DACT1: variants seen among roughly 807,000 people sequenced by gnomAD.
DACT1 encodes the protein dishevelled binding antagonist of beta catenin 1.
DACT1 carries 19 observed loss-of-function variants against 35.3 expected under a neutral mutation model. The observed-to-expected ratio is 0.54, with a 90% CI of 0.38 to 0.79. The LOEUF (loss-of-function observed/expected upper bound fraction) is 0.79. Ranked by LOEUF, DACT1 falls within the 30% of genes least tolerant of loss-of-function variation. The probability of loss-of-function intolerance (pLI) is 0.00; values close to 1 mark genes in which losing one functional copy is unlikely to be tolerated. For missense variants in DACT1, 1,143 were observed against 1,057.5 expected (o/e 1.08, Z -1.12); for synonymous variants, 545 against 466.7 (o/e 1.17, Z -2.16).
rs1332910897 is a variant in DACT1 at position 58,647,152 on chromosome 14, GA to G, written c.*21del. 1 of 1,595,946 alleles carries G rather than the reference GA, an allele frequency of 6.3e-7. No individual in the cohort carries two copies. The highest frequency in any genetic ancestry group is 1.9e-5 in the Admixed American group (1 of 54,010). Reference sequence around the variant, plus strand: ...CGGTTTGAGTGACATCATTGGTGTAGAAAGTTTGTGTGTTTTTTTTTCTTCT... The same window carrying G: ...CGGTTTGAGTGACATCATTGGTGTAGAAGTTTGTGTGTTTTTTTTTCTTCT... On this transcript the variant is annotated 3_prime_UTR_variant, in exon 4 of 4. Transcript: ENST00000395153.
Position 58,646,607 on chromosome 14 carries a change from C to T in DACT1, c.1873C>T (p.Arg625Trp). 3.1e-6 allele frequency: 5 copies of T among 1,600,264 alleles called. No individual in the cohort carries two copies. The highest frequency in any genetic ancestry group is 4.3e-6 in the Non-Finnish European group (5 of 1,173,766). Residue 625 changes from arginine to tryptophan, a missense_variant, in exon 4 of 4, where the codon CGG becomes TGG. Arg to Trp is a moderately radical substitution (Grantham distance 101). Around this residue, in one of 3 missense-constraint regions of DACT1, gnomAD observed 1,054 missense variants for 958.8 expected, o/e 1.10. Transcript: ENST00000395153. ...GGGGAGCAGGGCGCATGGCCACGGACGGGAGGCGGTGGTGGCCAAACCTAA... is the reference window on the plus strand; with the variant it reads ...GGGGAGCAGGGCGCATGGCCACGGATGGGAGGCGGTGGTGGCCAAACCTAA... Reference protein sequence around the residue: ...RAGSRAHGHGREAVVAKPKHK... With the variant: ...RAGSRAHGHGWEAVVAKPKHK...
rs2047697967 is a variant in DACT1 at position 58,647,020 on chromosome 14, A to G, written c.2286A>G (p.Pro762=). Residue 762 remains proline (P), a synonymous_variant, in exon 4 of 4, where the codon CCA becomes CCG. Coordinates refer to ENST00000395153, the MANE Select transcript of DACT1 (RefSeq NM_001079520.2). ...TGCCCATTCAAACGGTAACGGCCCC[A>G]GACCTTCACAACCACCCCGCAAAAA... is the stretch of plus-strand genomic sequence containing the variant. The part of the protein sequence containing the change: ...QTLPIQTVTA[P]DLHNHPAKTF... 1.2e-6 allele frequency: 2 copies of G among 1,614,214 alleles called. No homozygotes were observed. Among genetic ancestry groups the G allele is most frequent in the Non-Finnish European group, 1.7e-6 (2 of 1,180,032 alleles).
intron 3 of DACT1, among the ~76,000 whole-genome samples, chr14:58,645,043 T>C (rs938559555): frequency 1.1e-4 from 16 of 152,248 alleles, no homozygotes; most frequent in African/African-American, 3.9e-4. Context: ...GCTGAATTTT[T>C]TTCCTTCAGA....
chr14:58,640,692 G>A (rs777302191), intron 1 of DACT1, 44 bp from the exon 2 acceptor site: 1 of 1,607,580 alleles, frequency 6.2e-7, no homozygotes, highest in South Asian at 1.1e-5. Flanking sequence ...TGGTTCTTTT[G>A]TCACCCCTGT....
rs1040770358 is a variant in DACT1, at chr14:58,646,531, C to T, written c.1797C>T (p.Gly599=). 4.5e-6 allele frequency: 7 copies of T among 1,555,258 alleles called. No homozygotes were observed. Among genetic ancestry groups the T allele is most frequent in the South Asian group, 2.4e-5 (2 of 84,366 alleles). Residue 599 remains glycine (G), a synonymous_variant, in exon 4 of 4, where the codon GGC becomes GGT. Transcript: ENST00000395153. ...CCTCCAAGGGGAGGAAGAGTGGGGG[C>T]GGGCCCGAGGCTGGTGTTCCCGGCA... The part of the protein sequence containing the change: ...KASSKGRKSG[G]GPEAGVPGRP...
At chr14:58,641,541 A>G (rs1447549874) in intron 2 of DACT1, 51 bp from the exon 3 acceptor site, 1 of 1,554,596 alleles carries the variant, frequency 6.4e-7, no homozygotes, top group South Asian at 1.2e-5. Flanking sequence ...AAGCGTGAAT[A>G]TGCATTATTT....
rs1566507544 is a variant in DACT1 at position 58,641,689 on chromosome 14, C to CT, written c.580dup (p.Cys194LeufsTer27). ...TATCCAGTTGTCATTCCAGCACCTG[C>CT]TTTTGCAGCCCCTTGGAGGCGACCT... is the stretch of plus-strand genomic sequence containing the variant. On this transcript the variant is annotated frameshift_variant, in exon 3 of 4. Coordinates refer to ENST00000395153, the MANE Select transcript of DACT1 (RefSeq NM_001079520.2). LOFTEE classifies it high-confidence loss of function. 6.2e-7 allele frequency: 1 copy of CT among 1,614,202 alleles called. No individual in the cohort carries two copies. The highest frequency in any genetic ancestry group is 8.5e-7 in the Non-Finnish European group (1 of 1,180,034).
chr14:58,638,514 G>T lies in DACT1; in HGVS notation c.312G>T (p.Leu104Phe). The T allele has an allele frequency of 2.2e-6, 3 of 1,350,320 alleles. No homozygotes were observed. The highest frequency in any genetic ancestry group is 2.9e-6 in the Non-Finnish European group (3 of 1,044,448). The allele number at this position is 1,350,320 out of a possible 1,614,324, so 83.6% of individuals were successfully genotyped here. The change falls in exon 1 of 4, where the codon TTG becomes TTT. Residue 104 changes from leucine (L) to phenylalanine (F), a missense_variant. Leu to Phe is a conservative substitution (Grantham distance 22, BLOSUM62 0). Coordinates refer to ENST00000395153, the MANE Select transcript of DACT1 (RefSeq NM_001079520.2). ...GCAGTCGCCTGGAGGAGAAGTTCTT[G>T]GAGGAGAACATCTTGCTGCTAAGAA... Reference protein sequence around the residue: ...AQRSRLEEKFLEENILLLRKQ... With the variant: ...AQRSRLEEKFFEENILLLRKQ...
At chr14:58,635,675 C>T (rs536755188), upstream of DACT1, among the ~76,000 whole-genome samples, 1 of 103,466 alleles carries the variant, frequency 9.7e-6, no homozygotes, top group African/African-American at 3.8e-5. Flanking sequence ...CTCAAAGTGG[C>T]ATTTGGTGAG....
Position 58,638,105 on chromosome 14 carries a change from G to A in DACT1, c.-98G>A, listed in dbSNP as rs993843777. The A allele has an allele frequency of 1.0e-5, 12 of 1,178,976 alleles. No individual in the cohort carries two copies. Among genetic ancestry groups the A allele is most frequent in the Non-Finnish European group, 1.3e-5 (12 of 946,822 alleles). The allele number at this position is 1,178,976 out of a possible 1,614,324, so 73.0% of individuals were successfully genotyped here. On this transcript the variant is annotated 5_prime_UTR_variant, in exon 1 of 4. Transcript: ENST00000395153. ...CCGCCAGCGCCGCGCCCCGCCACAG[G>A]GCGGCATGAGCCCACCCGCGGCCGC...
rs150385273 is a variant in DACT1 at position 58,640,877 on chromosome 14, T to G, written c.478+9T>G. 1.7e-3 allele frequency: 2,773 copies of G among 1,614,078 alleles called. 4 individuals carry two copies. The highest frequency in any genetic ancestry group is 2.2e-3 in the Non-Finnish European group (2,635 of 1,179,966). On this transcript the variant is annotated intron_variant, in intron 2 of 3. Coordinates refer to ENST00000395153, the MANE Select transcript of DACT1 (RefSeq NM_001079520.2). ...CAGTCGGCCTAGCTCAGGTGAGTGA[T>G]TGAGCACAAGGACAGAATTCTGCAC...
At chr14:58,641,084 C>T (rs2047622337) in intron 2 of DACT1, among the ~76,000 whole-genome samples, 1 of 152,136 alleles carries the variant, frequency 6.6e-6, no homozygotes, top group Admixed American at 6.6e-5. Context: ...TGATTGGAGT[C>T]CCCCAAGTTT....
At chr14:58,642,549 C>T (rs2047637833) in intron 3 of DACT1, among the ~76,000 whole-genome samples, 1 of 151,844 alleles carries the variant, frequency 6.6e-6, no homozygotes, top group African/African-American at 2.4e-5. Context: ...CAAAAATCGG[C>T]CGGGTGTGGC....
chr14:58,638,914 C>T (rs2074515349), intron 1 of DACT1: 1 of 1,015,676 alleles, frequency 9.8e-7, no homozygotes, highest in Non-Finnish European at 1.2e-6. Context: ...CAAACTCCCA[C>T]TTAAAATACC....
At position 58,647,348 on chromosome 14, in the gene DACT1, T is replaced by C. The variant is rs374718414; in HGVS notation, c.*214T>C. 13 of 609,018 alleles carry C rather than the reference T, an allele frequency of 2.1e-5. No homozygotes were observed. In the East Asian group the frequency reaches 3.2e-4, roughly 15 times the overall value. The allele number at this position is 609,018 out of a possible 1,614,324, so 37.7% of individuals were successfully genotyped here. A position where few individuals can be genotyped will look rare whatever the true frequency, so the allele number is the denominator to read the frequency against. ...ATGTTTTGCTAGTTAGAAGTACATA[T>C]TGAGGTTTTAATGGTGGTGATAGTG... On this transcript the variant is annotated 3_prime_UTR_variant, in exon 4 of 4. Transcript: ENST00000395153.
intron 1 of DACT1, chr14:58,639,339 A>G (rs1019501379): frequency 8.7e-5 from 76 of 878,168 alleles, no homozygotes; most frequent in Non-Finnish European, 1.0e-4. Context: ...GAAGAAAAAG[A>G]ACTTTGTAGC....
At position 58,646,589 on chromosome 14, in the gene DACT1, A is replaced by C. The variant is rs201480480; in HGVS notation, c.1855A>C (p.Arg619=). The C allele has an allele frequency of 5.7e-6, 9 of 1,584,870 alleles. No individual in the cohort carries two copies. The East Asian group carries it at 9.3e-5, about 16-fold the overall frequency. ...PAGGGHRAGS[R]AHGHGREAVV... is the part of the protein sequence containing the mutation. ...GGGCGGGGGCCACAGGGCGGGGAGCAGGGCGCATGGCCACGGACGGGAGGC... is the reference window on the plus strand; with the variant it reads ...GGGCGGGGGCCACAGGGCGGGGAGCCGGGCGCATGGCCACGGACGGGAGGC... The change falls in exon 4 of 4, where the codon AGG becomes CGG. Residue 619 remains arginine, a synonymous_variant. Transcript: ENST00000395153.
chr14:58,638,494 C>G lies in DACT1; in HGVS notation c.292C>G (p.Arg98Gly). 1 of 1,357,802 alleles carries G rather than the reference C, an allele frequency of 7.4e-7. No homozygotes were observed. The highest frequency in any genetic ancestry group is 9.5e-7 in the Non-Finnish European group (1 of 1,049,604). The allele number at this position is 1,357,802 out of a possible 1,614,324, so 84.1% of individuals were successfully genotyped here. The change falls in exon 1 of 4, where the codon CGC (arginine) becomes GGC (glycine). Residue 98 changes from arginine to glycine, a missense_variant. Physicochemically the swap from Arg to Gly is moderately radical, Grantham distance 125 (BLOSUM62 -2). This residue lies in a region of DACT1 where 1,054 missense variants were observed against 958.8 expected (regional missense o/e 1.10). Transcript: ENST00000395153. ...ELLGEAAQRS[R>G]LEEKFLEENI... Reference sequence around the variant, plus strand: ...ACTGGGGGAGGCGGCGCAGCGCAGTCGCCTGGAGGAGAAGTTCTTGGAGGA... The same window carrying G: ...ACTGGGGGAGGCGGCGCAGCGCAGTGGCCTGGAGGAGAAGTTCTTGGAGGA...
In DACT1 at chr14:58,646,884, T is replaced by A. The variant is rs1399025544; in HGVS notation, c.2150T>A (p.Phe717Tyr). Residue 717 changes from phenylalanine (F) to tyrosine (Y), a missense_variant, in exon 4 of 4, where the codon TTC (phenylalanine) becomes TAC (tyrosine). Around this residue, in one of 3 missense-constraint regions of DACT1, gnomAD observed 1,054 missense variants for 958.8 expected, o/e 1.10. Coordinates refer to ENST00000395153, the MANE Select transcript of DACT1 (RefSeq NM_001079520.2). ...DEQSNYTTNCFGDSESSVSEG... is the reference protein window; with the variant it reads ...DEQSNYTTNCYGDSESSVSEG... ...CAGAGCAATTACACCACCAACTGCT[T>A]CGGGGACAGCGAGTCGAGTGTGAGC... The A allele has an allele frequency of 6.2e-7, 1 of 1,613,836 alleles. No individual in the cohort carries two copies. Among genetic ancestry groups the A allele is most frequent in the Non-Finnish European group, 8.5e-7 (1 of 1,179,988 alleles).
Sources: allele counts gnomAD v4.1 joint callset (sites outside exome capture counted in the v4.1 genomes callset), GRCh38; gene constraint gnomAD v4.1.1; regional missense constraint gnomAD v4.1.1; transcripts MANE v1.5; gene names NCBI Gene and HGNC (gene_info 2026-07-23, HGNC 2026-07-21).